The following CAPRIN2 variants were observed in gnomAD, a reference collection of about 807,000 sequenced individuals.
The protein encoded by CAPRIN2 is caprin family member 2, also known as caprin-2.
A neutral mutation model predicts 130.4 loss-of-function variants in CAPRIN2; 66 were observed. That is an observed-to-expected ratio of 0.51 (90% CI 0.42 to 0.62). The LOEUF (loss-of-function observed/expected upper bound fraction) is 0.62, where lower values mean the gene tolerates loss of function less well. Among genes scored for constraint, CAPRIN2 ranks in the 20% least tolerant of loss-of-function variants. The pLI, the probability that CAPRIN2 is intolerant of heterozygous loss-of-function variation, is 0.00. For missense variants in CAPRIN2, 1,185 were observed against 1,246.6 expected, an observed-to-expected ratio of 0.95 and a Z score of 0.74; for synonymous variants, 471 against 444.1, an observed-to-expected ratio of 1.06 and a Z score of -0.76.
At chr12:30,737,046 C>G (rs2065152355) in intron 3 of CAPRIN2, among the ~76,000 whole-genome samples, 1 of 152,114 alleles carries the variant, frequency 6.6e-6, no homozygotes, top group African/African-American at 2.4e-5. Flanking sequence ...ATTATGCCAT[C>G]CAGGCTGGGG....
chr12:30,709,806 T>C (rs762896446), exon 17 of CAPRIN2: 5 of 1,400,846 alleles, frequency 3.6e-6, no homozygotes, highest in Non-Finnish European at 4.8e-6. Context: ...ACAAAAACAT[T>C]TTCCTAAACC....
intron 4 of CAPRIN2, among the ~76,000 whole-genome samples, chr12:30,734,702 AG>A (rs1243632922): frequency 6.6e-6 from 1 of 152,186 alleles, no homozygotes; most frequent in Non-Finnish European, 1.5e-5. Context: ...TTTAAAAATC[AG>A]TATTACAATA....
chr12:30,711,922 A>G (rs1300019687), intron 15 of CAPRIN2: 1 of 508,480 alleles, frequency 2.0e-6, no homozygotes, highest in Non-Finnish European at 3.7e-6. Context: ...CTAGGTAATG[A>G]GAGAAATTTT....
At chr12:30,736,489 C>A (rs2064883785) in intron 3 of CAPRIN2, among the ~76,000 whole-genome samples, 1 of 151,574 alleles carries the variant, frequency 6.6e-6, no homozygotes, top group Non-Finnish European at 1.5e-5. Flanking sequence ...AAGAGATGTT[C>A]GTAAATCCTA....
At position 30,734,886 on chromosome 12, in the gene CAPRIN2, A is replaced by ACACACT. The variant is rs1555165895; in HGVS notation, c.809+81_809+82insAGTGTG. 24 of 565,142 alleles carry ACACACT rather than the reference A, an allele frequency of 4.2e-5. 1 individual carries two copies. The highest frequency in any genetic ancestry group is 9.7e-5 in the South Asian group (5 of 51,694). 35.0% of individuals were successfully genotyped at this position (565,142 alleles called of 1,614,324 possible). ...CACACACACACACACACACACACACACTCTCTCTCTCACATACACACACCC... is the reference window on the plus strand; with the variant it reads ...CACACACACACACACACACACACACACACACTCTCTCTCTCTCACATACACACACCC... On this transcript the variant is annotated intron_variant, in intron 4 of 16. Coordinates refer to ENST00000298892, the Ensembl canonical transcript of CAPRIN2.
chr12:30,717,147 C>G (rs2057861074), intron 12 of CAPRIN2, among the ~76,000 whole-genome samples: 1 of 152,184 alleles, frequency 6.6e-6, no homozygotes, highest in South Asian at 2.1e-4. Flanking sequence ...ATGTTCATAG[C>G]AGCATTATTC....
At chr12:30,722,988 G>T (rs1247319319) in intron 11 of CAPRIN2, among the ~76,000 whole-genome samples, 1 of 152,178 alleles carries the variant, frequency 6.6e-6, no homozygotes, top group East Asian at 1.9e-4. Flanking sequence ...TAGCTCAAGA[G>T]AACATAATAT....
intron 3 of CAPRIN2, 71 bp downstream of exon 4, chr12:30,740,949 G>T: frequency 1.1e-6 from 1 of 881,874 alleles, no homozygotes; most frequent in South Asian, 1.5e-5. Context: ...ACTAGACACT[G>T]ACACACTGAC....
chr12:30,723,412 A>G, intron 10 of CAPRIN2, 98 bp from the exon 12 acceptor site: 1 of 784,090 alleles, frequency 1.3e-6, no homozygotes, highest in Non-Finnish European at 2.2e-6. Context: ...CAAAAAAGAC[A>G]TTAGCTGGAA....
intron 9 of CAPRIN2, among the ~76,000 whole-genome samples, chr12:30,725,126 C>G (rs915552783): frequency 6.6e-6 from 1 of 152,150 alleles, no homozygotes; most frequent in Admixed American, 6.5e-5. Context: ...TTTATTACAC[C>G]CAACCAAAGA....
At chr12:30,737,851 C>T (rs1565661019) in intron 3 of CAPRIN2, among the ~76,000 whole-genome samples, 1 of 152,100 alleles carries the variant, frequency 6.6e-6, no homozygotes, top group Admixed American at 6.5e-5. Flanking sequence ...CCCGCCTCGG[C>T]CTCCCAAAGT....
chr12:30,743,652 G>A (rs1042433323), intron 2 of CAPRIN2, among the ~76,000 whole-genome samples: 2 of 152,124 alleles, frequency 1.3e-5, no homozygotes, highest in Non-Finnish European at 2.9e-5. Flanking sequence ...CTGTAAAATA[G>A]GAGTAATAGA....
At chr12:30,715,370 A>AACATGAATG in intron 13 of CAPRIN2, 1 of 611,020 alleles carries the variant, frequency 1.6e-6, no homozygotes, top group Admixed American at 2.2e-5. Context: ...CCCATGCTAC[A>AACATGAATG]ACATGAATGA....
chr12:30,754,163 T>A (rs1351591965), exon 1 of CAPRIN2: 2 of 176,264 alleles, frequency 1.1e-5, no homozygotes, highest in African/African-American at 2.4e-5. Flanking sequence ...TACAAGGCAA[T>A]CCATCACTAC....
chr12:30,715,142 C>T lies in CAPRIN2; in HGVS notation c.2318-1G>A. ...ATAGTTCCATCAGGATGATAATTTG[C>T]TGCTTAAGAAAAACGATTTTAGGGT... is the stretch of plus-strand genomic sequence containing the variant. On this transcript the variant is annotated splice_acceptor_variant, in intron 13 of 16. Transcript: ENST00000298892. LOFTEE classifies it high-confidence loss of function. 1.2e-6 allele frequency: 2 copies of T among 1,613,318 alleles called. No individual in the cohort carries two copies. Among genetic ancestry groups the T allele is most frequent in the Non-Finnish European group, 1.7e-6 (2 of 1,179,494 alleles).
chr12:30,746,739 A>G (rs1420225928), intron 2 of CAPRIN2, among the ~76,000 whole-genome samples: 2 of 151,504 alleles, frequency 1.3e-5, no homozygotes, highest in African/African-American at 4.8e-5. Context: ...CTGCAGAAGA[A>G]AAGTTGGGAG....
At chr12:30,745,579 A>C (rs116996207) in intron 2 of CAPRIN2, among the ~76,000 whole-genome samples, 2,079 of 152,262 alleles carry the variant, frequency 0.014, 21 homozygotes, top group Middle Eastern at 0.051. Flanking sequence ...AATCAAACTA[A>C]AATTATAAAA....
intron 11 of CAPRIN2, 113 bp from the exon 13 acceptor site, chr12:30,721,028 G>T: frequency 1.4e-6 from 1 of 710,092 alleles, no homozygotes; most frequent in Non-Finnish European, 2.6e-6. Flanking sequence ...CATGTGTCAA[G>T]CACTCTGCTA....
rs1398017629 is a variant in CAPRIN2 at position 30,710,898 on chromosome 12, A to G, written c.2666-428T>C. Among the ~76,000 whole-genome samples the G allele has an allele frequency of 6.6e-6, 1 of 152,236 alleles. No homozygotes were observed. The highest frequency in any genetic ancestry group is 1.5e-5 in the Non-Finnish European group (1 of 68,040). Reference sequence around the variant, plus strand: ...CCAATTTTTAGAACTACTAGCCACTAGCCATTCAGAGATATATTGATATGG... The same window carrying G: ...CCAATTTTTAGAACTACTAGCCACTGGCCATTCAGAGATATATTGATATGG... On this transcript the variant is annotated intron_variant, in intron 16 of 16. Coordinates refer to ENST00000298892, the Ensembl canonical transcript of CAPRIN2. This position sits in a 1 kb window ranked among gnomAD's most constrained non-coding sequence, Gnocchi z 4.8.
Sources: gnomAD v4.1 joint callset for allele counts (sites outside exome capture counted in the v4.1 genomes callset) on GRCh38, gnomAD v4.1.1 for gene constraint, Gnocchi (gnomAD v3.1) non-coding constraint, MANE v1.5 for transcripts, NCBI Gene and HGNC (gene_info 2026-07-23, HGNC 2026-07-21) for gene names.